CYP39A1: variants seen among roughly 807,000 people sequenced by gnomAD.
The protein encoded by CYP39A1 is cytochrome P450 family 39 subfamily A member 1.
In CYP39A1, 49 loss-of-function variants were observed where a neutral mutation model predicts 58.1. That is an observed-to-expected ratio of 0.84 (90% confidence interval 0.67 to 1.07). The LOEUF is 1.07. Ranked by LOEUF, CYP39A1 falls within the 50% of genes least tolerant of loss-of-function variation. The probability of loss-of-function intolerance (pLI) is 0.00; values close to 1 mark genes in which losing one functional copy is unlikely to be tolerated. For missense variants in CYP39A1, 531 were observed against 539.4 expected (o/e 0.98, Z 0.16); for synonymous variants, 209 against 187.6 (o/e 1.11, Z -0.93).
At chr6:46,612,422 T>A (rs959816868) in intron 7 of CYP39A1, among the ~76,000 whole-genome samples, 1 of 152,192 alleles carries the variant, frequency 6.6e-6, no homozygotes, top group African/African-American at 2.4e-5. Context: ...AACTGTATAT[T>A]TGGGGTAGAA....
intron 10 of CYP39A1, among the ~76,000 whole-genome samples, chr6:46,571,420 T>A (rs1295896155): frequency 6.6e-6 from 1 of 152,192 alleles, no homozygotes; most frequent in Non-Finnish European, 1.5e-5. Context: ...TGGGTACACA[T>A]ATATTTACAA....
intron 1 of CYP39A1, among the ~76,000 whole-genome samples, chr6:46,651,658 G>A (rs192888057): frequency 6.6e-6 from 1 of 152,172 alleles, no homozygotes; most frequent in Non-Finnish European, 1.5e-5. Flanking sequence ...ATGCTACTAC[G>A]TATAAATTCA....
intron 6 of CYP39A1, among the ~76,000 whole-genome samples, chr6:46,630,754 C>T (rs570978579): frequency 6.6e-6 from 1 of 152,338 alleles, no homozygotes; most frequent in Admixed American, 6.5e-5. Flanking sequence ...ACAGAATTTG[C>T]TTGAGATCTG....
intron 7 of CYP39A1, among the ~76,000 whole-genome samples, chr6:46,597,282 G>GA (rs1773226376): frequency 6.6e-6 from 1 of 152,028 alleles, no homozygotes; most frequent in African/African-American, 2.4e-5. Flanking sequence ...TAACTAAGGC[G>GA]CAGCTCTTGC....
At chr6:46,619,291 A>T (rs988538282) in intron 7 of CYP39A1, among the ~76,000 whole-genome samples, 7 of 152,288 alleles carry the variant, frequency 4.6e-5, no homozygotes, top group African/African-American at 1.7e-4. Flanking sequence ...CTAGCCATAT[A>T]TTCTTACATT....
rs3085597 is a variant in CYP39A1 at position 46,601,665 on chromosome 6, CTATTATTAT to C, written c.932-5554_932-5546del. Reference sequence around the variant, plus strand: ...GGCATGTGGCAAAATCTCAGGTTACCTATTATTATTATTATTATTATTATTATTATTATT... The same window carrying C: ...GGCATGTGGCAAAATCTCAGGTTACCTATTATTATTATTATTATTATTATT... On this transcript the variant is annotated intron_variant, in intron 7 of 11. Coordinates refer to ENST00000275016, the MANE Select transcript of CYP39A1 (RefSeq NM_016593.5). Among the ~76,000 whole-genome samples, 77 of 145,398 alleles carry C rather than the reference CTATTATTAT, an allele frequency of 5.3e-4. No homozygotes were observed. In the Middle Eastern group the frequency reaches 0.011, roughly 21 times the overall value.
Position 46,652,458 on chromosome 6 carries a change from C to A in CYP39A1, c.125G>T (p.Gly42Val). 2 of 1,613,912 alleles carry A rather than the reference C, an allele frequency of 1.2e-6. No individual in the cohort carries two copies. Among genetic ancestry groups the A allele is most frequent in the Non-Finnish European group, 1.7e-6 (2 of 1,179,952 alleles). ...IKGWIPWIGV[G>V]FEFGKAPLEF... ...TAGAGGGGCTTTCCCAAACTCAAAT[C>A]CAACTCCAATCCAAGGAATCCAGCC... Residue 42 changes from glycine to valine, a missense_variant, in exon 1 of 12, where the codon GGA becomes GTA. Coordinates refer to ENST00000275016, the MANE Select transcript of CYP39A1 (RefSeq NM_016593.5).
chr6:46,558,403 A>G (rs949334413), intron 10 of CYP39A1, among the ~76,000 whole-genome samples: 1 of 152,114 alleles, frequency 6.6e-6, no homozygotes, highest in Non-Finnish European at 1.5e-5. Context: ...GAAAGCGAGC[A>G]AAGGGGGAAG....
chr6:46,558,824 C>T (rs148330430), intron 10 of CYP39A1, among the ~76,000 whole-genome samples: 2,122 of 151,998 alleles, frequency 0.014, 26 homozygotes, highest in Middle Eastern at 0.031. Context: ...GGTGAAACCC[C>T]GTCTCTACTA....
chr6:46,587,085 A>G lies in CYP39A1; in HGVS notation c.1242T>C (p.Cys414=), dbSNP rs764538641. 3.5e-5 allele frequency: 56 copies of G among 1,610,624 alleles called. No homozygotes were observed. Among genetic ancestry groups the G allele is most frequent in the Middle Eastern group, 1.6e-4 (1 of 6,078 alleles). Residue 414 remains cysteine, a synonymous_variant, in exon 10 of 12, where the codon TGT becomes TGC. Coordinates refer to ENST00000275016, the MANE Select transcript of CYP39A1 (RefSeq NM_016593.5). The part of the protein sequence containing the change: ...FMAFGSGKFQ[C]PARWFALLEV... ...CCAGCTGTCTCACTGACCTTGCAGG[A>G]CACTGGAACTTCCCGCTTCCAAATG...
At chr6:46,619,479 G>T (rs531299528) in intron 7 of CYP39A1, among the ~76,000 whole-genome samples, 21 of 152,090 alleles carry the variant, frequency 1.4e-4, no homozygotes, top group African/African-American at 4.8e-4. Flanking sequence ...TCTCTAACTT[G>T]TCTTACTTTT....
chr6:46,564,990 G>A (rs1000831350), intron 10 of CYP39A1, among the ~76,000 whole-genome samples: 2 of 152,182 alleles, frequency 1.3e-5, no homozygotes, highest in Non-Finnish European at 2.9e-5. Flanking sequence ...CAATATGGTA[G>A]CAGGAGGCAA....
chr6:46,600,181 T>C (rs992662193), intron 7 of CYP39A1, among the ~76,000 whole-genome samples: 1 of 151,904 alleles, frequency 6.6e-6, no homozygotes. Flanking sequence ...CAAGTTGGAG[T>C]GCAGTGGAGC....
At chr6:46,554,304 T>C (rs1422882201) in intron 10 of CYP39A1, among the ~76,000 whole-genome samples, 2 of 152,170 alleles carry the variant, frequency 1.3e-5, no homozygotes, top group Non-Finnish European at 2.9e-5. Context: ...TACTGGACAG[T>C]GTATATTTAA....
At chr6:46,651,525 G>C (rs1030493323) in intron 1 of CYP39A1, among the ~76,000 whole-genome samples, 1 of 152,094 alleles carries the variant, frequency 6.6e-6, no homozygotes, top group South Asian at 2.1e-4. Flanking sequence ...AATTTTTACA[G>C]TACAGCTGGT....
rs1440598048 is a variant in CYP39A1 at position 46,550,382 on chromosome 6, T to C, written c.1394A>G (p.Tyr465Cys). Residue 465 changes from tyrosine to cysteine, a missense_variant, in exon 12 of 12, where the codon TAT becomes TGT. Tyr to Cys is a radical substitution (Grantham distance 194, BLOSUM62 -2). Coordinates refer to ENST00000275016, the MANE Select transcript of CYP39A1 (RefSeq NM_016593.5). ...CAACAGATGTCATATTCTTTGTTTA[T>C]ATTCAATTCGGCATTGCCCTTCCGG... ...PQPEGQCRIEYKQRI is the reference protein window; with the variant it reads ...PQPEGQCRIECKQRI The C allele has an allele frequency of 2.5e-6, 4 of 1,612,834 alleles. No individual in the cohort carries two copies. The highest frequency in any genetic ancestry group is 2.7e-5 in the African/African-American group (2 of 74,904).
At chr6:46,582,300 G>C (rs750281622) in intron 10 of CYP39A1, among the ~76,000 whole-genome samples, 14 of 152,096 alleles carry the variant, frequency 9.2e-5, no homozygotes, top group Non-Finnish European at 1.6e-4. Flanking sequence ...GTATAAAAGG[G>C]AGAAAGCTAC....
chr6:46,610,969 C>T (rs2150549454), intron 7 of CYP39A1, among the ~76,000 whole-genome samples: 1 of 152,268 alleles, frequency 6.6e-6, no homozygotes, highest in Admixed American at 6.5e-5. Flanking sequence ...TAAAAAGCAG[C>T]TTAAAGTATC....
chr6:46,573,620 G>C (rs1246360955), intron 10 of CYP39A1, among the ~76,000 whole-genome samples: 1 of 152,106 alleles, frequency 6.6e-6, no homozygotes, highest in African/African-American at 2.4e-5. Flanking sequence ...CTGGTTCCAG[G>C]GCACAGGCAT....
Sources: gnomAD v4.1 joint callset for allele counts (sites outside exome capture counted in the v4.1 genomes callset) on GRCh38, gnomAD v4.1.1 for gene constraint, MANE v1.5 for transcripts, NCBI Gene and HGNC (gene_info 2026-07-23, HGNC 2026-07-21) for gene names.